The following DSCAM variants were observed in gnomAD, a reference collection of about 807,000 sequenced individuals.
The protein encoded by DSCAM is DS cell adhesion molecule, also known as cell adhesion molecule DSCAM.
A neutral mutation model predicts 217.7 loss-of-function variants in DSCAM; 47 were observed. The observed-to-expected ratio is 0.22, with a 90% confidence interval of 0.17 to 0.28. DSCAM has a LOEUF of 0.28. DSCAM is among the 10% of genes least tolerant of loss of function. DSCAM has a pLI of 1.00. For missense variants in DSCAM, 2,080 were observed against 2,618.3 expected (o/e 0.79, Z 4.49); for synonymous variants, 1,056 against 1,015.3 (o/e 1.04, Z -0.76).
intron 20 of DSCAM, among the ~76,000 whole-genome samples, chr21:40,100,635 CTT>C (rs34909847): frequency 1.4e-3 from 182 of 131,784 alleles, no homozygotes; most frequent in Middle Eastern, 4.1e-3. Context: ...GACTCTGAAT[CTT>C]TTTTTTTTTT....
At chr21:40,143,339 T>C (rs2090315136) in intron 17 of DSCAM, among the ~76,000 whole-genome samples, 1 of 152,164 alleles carries the variant, frequency 6.6e-6, no homozygotes, top group Non-Finnish European at 1.5e-5. Flanking sequence ...CGCATCTTAA[T>C]GAAAAATGAG....
intron 11 of DSCAM, among the ~76,000 whole-genome samples, chr21:40,275,798 C>T (rs1376217344): frequency 6.6e-6 from 1 of 152,180 alleles, no homozygotes; most frequent in Non-Finnish European, 1.5e-5. Context: ...GAGACCTACT[C>T]ATCTGCTAGG....
chr21:40,347,690 T>A lies in DSCAM; in HGVS notation c.1190A>T (p.Tyr397Phe), dbSNP rs1210411359. ...VRKDKLSAQD[Y>F]VQVVLEDGTP... ...CTGACCTTCAAGGACCACCTGCACA[T>A]AGTCTTGAGCGGACAGCTTGTCCTT... is the stretch of plus-strand genomic sequence containing the variant. The change falls in exon 6 of 33, where the codon TAT becomes TTT. Residue 397 changes from tyrosine (Y) to phenylalanine (F), a missense_variant. Transcript: ENST00000400454. 1 of 1,613,884 alleles carries A rather than the reference T, an allele frequency of 6.2e-7. No homozygotes were observed. The highest frequency in any genetic ancestry group is 1.3e-5 in the African/African-American group (1 of 74,942).
At chr21:40,575,496 C>G (rs2076842968) in intron 3 of DSCAM, among the ~76,000 whole-genome samples, 1 of 152,092 alleles carries the variant, frequency 6.6e-6, no homozygotes, top group Non-Finnish European at 1.5e-5. Context: ...ATATACGGCT[C>G]TTTTTAAAAA....
At chr21:40,385,454 A>C (rs961658204) in intron 3 of DSCAM, 3 of 152,164 alleles carry the variant, frequency 2.0e-5, no homozygotes, top group Admixed American at 6.5e-5. Context: ...CAATGAATCC[A>C]CTCATTTCAC....
intron 32 of DSCAM, among the ~76,000 whole-genome samples, chr21:40,028,802 C>G (rs372758765): frequency 6.6e-6 from 1 of 152,228 alleles, no homozygotes; most frequent in Non-Finnish European, 1.5e-5. Flanking sequence ...TCTTCTGCGT[C>G]GCTCACGCTG....
chr21:40,396,679 G>A (rs995550013), intron 3 of DSCAM, among the ~76,000 whole-genome samples: 3 of 151,058 alleles, frequency 2.0e-5, no homozygotes, highest in African/African-American at 7.3e-5. Context: ...TGCCACTGCT[G>A]CTACTACTAC....
chr21:40,426,352 G>T (rs182922928), intron 3 of DSCAM, among the ~76,000 whole-genome samples: 1 of 152,218 alleles, frequency 6.6e-6, no homozygotes, highest in African/African-American at 2.4e-5. Flanking sequence ...CTCTCCATTT[G>T]TCCTTTCATT....
chr21:40,297,199 G>T (rs1332707005), intron 9 of DSCAM, among the ~76,000 whole-genome samples: 1 of 152,148 alleles, frequency 6.6e-6, no homozygotes, highest in African/African-American at 2.4e-5. Context: ...GTTGTGAGGT[G>T]CTGTAAAGAA....
intron 1 of DSCAM, among the ~76,000 whole-genome samples, chr21:40,756,256 C>T (rs909040428): frequency 1.3e-5 from 2 of 152,212 alleles, no homozygotes; most frequent in African/African-American, 2.4e-5. Context: ...GAGCTGCCTG[C>T]TCCCTCTTTG....
intron 12 of DSCAM, among the ~76,000 whole-genome samples, chr21:40,188,711 G>A (rs946284956): frequency 1.3e-5 from 2 of 151,594 alleles, no homozygotes; most frequent in African/African-American, 4.9e-5. Context: ...CTTTTTGCAG[G>A]AAGTTAAAAC....
At chr21:40,769,333 T>C (rs1023316146) in intron 1 of DSCAM, among the ~76,000 whole-genome samples, 2 of 152,340 alleles carry the variant, frequency 1.3e-5, no homozygotes, top group East Asian at 3.9e-4. Flanking sequence ...GTGGGAGCTC[T>C]GGTCAGAGAC....
intron 3 of DSCAM, among the ~76,000 whole-genome samples, chr21:40,596,535 C>G (rs935399942): frequency 6.6e-6 from 1 of 152,146 alleles, no homozygotes; most frequent in African/African-American, 2.4e-5. Flanking sequence ...ACCAAAAGTT[C>G]TTTCTTAATT....
intron 3 of DSCAM, among the ~76,000 whole-genome samples, chr21:40,552,462 T>A (rs13050543): frequency 1.3e-5 from 2 of 152,324 alleles, no homozygotes; most frequent in Admixed American, 1.3e-4. Flanking sequence ...AGTCTAGAAA[T>A]AGGGGTTTAC....
intron 1 of DSCAM, among the ~76,000 whole-genome samples, chr21:40,778,596 C>T (rs1451721655): frequency 1.3e-5 from 2 of 151,994 alleles, no homozygotes; most frequent in Admixed American, 6.6e-5. Flanking sequence ...AGAATATATA[C>T]ATTCTAAGTA....
chr21:40,053,726 C>A (rs1357199166), intron 29 of DSCAM, among the ~76,000 whole-genome samples: 2 of 152,180 alleles, frequency 1.3e-5, no homozygotes, highest in Non-Finnish European at 2.9e-5. Context: ...GATACATGAT[C>A]CTGCATGGAC....
intron 1 of DSCAM, among the ~76,000 whole-genome samples, chr21:40,821,819 C>T (rs1009921540): frequency 1.3e-5 from 2 of 151,926 alleles, no homozygotes; most frequent in Non-Finnish European, 2.9e-5. Context: ...GATGAGAACA[C>T]ATGGGCACAT....
chr21:40,525,486 T>C (rs533451421), intron 3 of DSCAM, among the ~76,000 whole-genome samples: 1 of 152,354 alleles, frequency 6.6e-6, no homozygotes, highest in South Asian at 2.1e-4. Flanking sequence ...AGATCTCCAA[T>C]GTCATGAAAC....
chr21:40,578,595 G>A (rs1034958913), intron 3 of DSCAM, among the ~76,000 whole-genome samples: 19 of 152,174 alleles, frequency 1.2e-4, no homozygotes, highest in Non-Finnish European at 1.8e-4. Context: ...AGCACCCAGC[G>A]TGGGACCCCT....
Sources: gnomAD v4.1 joint callset for allele counts (sites outside exome capture counted in the v4.1 genomes callset) on GRCh38, gnomAD v4.1.1 for gene constraint, MANE v1.5 for transcripts, NCBI Gene and HGNC (gene_info 2026-07-23, HGNC 2026-07-21) for gene names.